Variants in MAST2 observed in about 807,000 individuals in gnomAD.
The protein encoded by MAST2 is microtubule-associated serine/threonine-protein kinase 2.
MAST2 carries 70 observed loss-of-function variants against 147.4 expected under a neutral mutation model. The observed-to-expected ratio is 0.47, with a 90% confidence interval of 0.39 to 0.58. MAST2 has a LOEUF of 0.58. MAST2 is among the 20% of genes least tolerant of loss of function. The pLI is 0.00. For synonymous variants in MAST2, 869 were observed against 896.8 expected (o/e 0.97, Z 0.55); for missense variants, 2,080 against 2,302.3 (o/e 0.90, Z 1.98).
chr1:45,928,193 CTCTG>C (rs1654713850), intron 4 of MAST2, among the ~76,000 whole-genome samples: 1 of 152,194 alleles, frequency 6.6e-6, no homozygotes. Context: ...TATTTTCTTT[CTCTG>C]TCTCTCTTGC....
chr1:45,945,302 A>G (rs1435562557), intron 4 of MAST2, among the ~76,000 whole-genome samples: 1 of 152,216 alleles, frequency 6.6e-6, no homozygotes, highest in African/African-American at 2.4e-5. Flanking sequence ...CCCTATCTCA[A>G]AAAGACTGTG....
At chr1:45,809,474 C>G (rs149117453) in intron 1 of MAST2, among the ~76,000 whole-genome samples, 4 of 152,192 alleles carry the variant, frequency 2.6e-5, no homozygotes, top group Non-Finnish European at 4.4e-5. Context: ...GAAACCCCAT[C>G]TCTACAAAAA....
chr1:45,946,596 A>G (rs1658068865), intron 4 of MAST2, among the ~76,000 whole-genome samples: 2 of 152,070 alleles, frequency 1.3e-5, no homozygotes, highest in Admixed American at 1.3e-4. Context: ...TGTAGCAGAG[A>G]TGTTTAGATT....
At chr1:45,977,145 T>C (rs1200669803) in intron 5 of MAST2, among the ~76,000 whole-genome samples, 1 of 152,222 alleles carries the variant, frequency 6.6e-6, no homozygotes, top group African/African-American at 2.4e-5. Context: ...AGGGAAATTT[T>C]TTAAAAACAG....
intron 1 of MAST2, among the ~76,000 whole-genome samples, chr1:45,817,779 T>G (rs1232032242): frequency 6.6e-6 from 1 of 152,234 alleles, no homozygotes; most frequent in Non-Finnish European, 1.5e-5. Context: ...CCAGACATAG[T>G]ATGGTATTAG....
Position 46,021,898 on chromosome 1 carries a change from G to C in MAST2, c.1291-52G>C, listed in dbSNP as rs1646198821. ...ATATGCTGTAAAACCAAAGATGCCA[G>C]CAGCTTTCGCTTATATCTGTCACCA... On this transcript the variant is annotated intron_variant, in intron 11 of 28. Coordinates refer to ENST00000361297, the MANE Select transcript of MAST2 (RefSeq NM_015112.3). The C allele has an allele frequency of 1.9e-6, 3 of 1,599,068 alleles. No individual in the cohort carries two copies. In the Admixed American group the frequency reaches 5.1e-5, roughly 27 times the overall value.
Position 46,031,548 on chromosome 1 carries a change from C to A in MAST2, c.3150C>A (p.Ser1050=), listed in dbSNP as rs368267628. 1.2e-6 allele frequency: 2 copies of A among 1,614,020 alleles called. No individual in the cohort carries two copies. Among genetic ancestry groups the A allele is most frequent in the South Asian group, 2.2e-5 (2 of 91,076 alleles). The part of the protein sequence containing the change: ...TARPVNKVIK[S]ASATALSLLI... ...GCCCTGTCAACAAAGTGATCAAGTC[C>A]GCCTCAGCCACAGCCCTCTCACTCC... The change falls in exon 24 of 29, where the codon TCC becomes TCA. Residue 1050 remains serine (S), a synonymous_variant. Coordinates refer to ENST00000361297, the MANE Select transcript of MAST2 (RefSeq NM_015112.3). This position sits in a 1 kb window ranked among gnomAD's most constrained non-coding sequence, Gnocchi z 4.1.
intron 1 of MAST2, among the ~76,000 whole-genome samples, chr1:45,814,445 T>C (rs1302667565): frequency 6.6e-6 from 1 of 152,324 alleles, no homozygotes; most frequent in African/African-American, 2.4e-5. Flanking sequence ...TCTTACTTTC[T>C]AACAAAACAG....
intron 4 of MAST2, among the ~76,000 whole-genome samples, chr1:45,941,412 A>G (rs1570839655): frequency 6.6e-6 from 1 of 152,062 alleles, no homozygotes; most frequent in East Asian, 1.9e-4. Flanking sequence ...GGCGCCTGCC[A>G]CTGCGCCTAG....
intron 5 of MAST2, among the ~76,000 whole-genome samples, chr1:45,979,017 A>ATAT (rs1644290786): frequency 6.6e-6 from 1 of 152,150 alleles, no homozygotes; most frequent in African/African-American, 2.4e-5. Context: ...CATGAAAGTT[A>ATAT]TATCTCACTT....
chr1:45,970,042 G>A (rs150664751), intron 5 of MAST2, among the ~76,000 whole-genome samples: 2 of 152,284 alleles, frequency 1.3e-5, no homozygotes, highest in African/African-American at 4.8e-5. Flanking sequence ...AGTAGAGCTG[G>A]CATTGATGAA....
chr1:45,831,548 A>G (rs1230415701), intron 3 of MAST2, among the ~76,000 whole-genome samples: 1 of 152,136 alleles, frequency 6.6e-6, no homozygotes, highest in Non-Finnish European at 1.5e-5. Context: ...AATCTGCAGA[A>G]AAATAGACAG....
At chr1:46,013,731 G>A (rs1645813874) in intron 10 of MAST2, among the ~76,000 whole-genome samples, 1 of 151,894 alleles carries the variant, frequency 6.6e-6, no homozygotes, top group Non-Finnish European at 1.5e-5. Flanking sequence ...TACTCACTAG[G>A]CCCAGCAGTG....
At chr1:46,006,472 AT>A in intron 8 of MAST2, 77 bp downstream of exon 8, 1 of 1,445,750 alleles carries the variant, frequency 6.9e-7, no homozygotes, top group Non-Finnish European at 9.3e-7. Context: ...TGGGCACACT[AT>A]GCTATAAGGG....
At chr1:45,975,676 C>G (rs1478514204) in intron 5 of MAST2, among the ~76,000 whole-genome samples, 1 of 112,410 alleles carries the variant, frequency 8.9e-6, no homozygotes, top group Non-Finnish European at 1.8e-5. Flanking sequence ...GACTCTGTCT[C>G]AAAAAAAAAA....
chr1:46,000,540 G>A (rs1307428221), intron 6 of MAST2, among the ~76,000 whole-genome samples: 1 of 152,152 alleles, frequency 6.6e-6, no homozygotes, highest in Non-Finnish European at 1.5e-5. Context: ...AGGCTTCAGG[G>A]CCTGGTTTTT....
intron 4 of MAST2, among the ~76,000 whole-genome samples, chr1:45,954,127 G>A (rs1441977873): frequency 6.6e-6 from 1 of 152,138 alleles, no homozygotes; most frequent in East Asian, 1.9e-4. Flanking sequence ...GTCACGGAGT[G>A]CTCAAGTTCC....
At chr1:45,980,640 T>C (rs940295239) in intron 5 of MAST2, among the ~76,000 whole-genome samples, 1 of 152,108 alleles carries the variant, frequency 6.6e-6, no homozygotes, top group South Asian at 2.1e-4. Context: ...GCTCAAACAG[T>C]CCTCCCACCT....
rs200025497 is a variant in MAST2, at chr1:45,843,137, AT to A, written c.468+13563del. 6.7e-3 allele frequency among the ~76,000 whole-genome samples: 1,011 copies of A among 151,756 alleles called. 12 individuals carry two copies. Among genetic ancestry groups the A allele is most frequent in the African/African-American group, 0.024 (975 of 41,406 alleles). ...TCCTTTGCCCATTTTTTTTAATTGA[AT>A]TTTTTTGTTGTTTTAAGTTTGTTAT... is the stretch of plus-strand genomic sequence containing the variant. On this transcript the variant is annotated intron_variant, in intron 3 of 28. Transcript: ENST00000361297.
Sources: allele counts gnomAD v4.1 joint callset (sites outside exome capture counted in the v4.1 genomes callset), GRCh38; gene constraint gnomAD v4.1.1; non-coding constraint Gnocchi (gnomAD v3.1); transcripts MANE v1.5; gene names NCBI Gene and HGNC (gene_info 2026-07-23, HGNC 2026-07-21).